PRPF40B: variants seen among roughly 807,000 people sequenced by gnomAD.
PRPF40B encodes pre-mRNA processing factor 40B.
PRPF40B carries 56 observed loss-of-function variants against 124.5 expected under a neutral mutation model. That is an observed-to-expected ratio of 0.45 (90% confidence interval 0.36 to 0.56). The LOEUF (loss-of-function observed/expected upper bound fraction) is 0.56, where lower values mean the gene tolerates loss of function less well. Ranked by LOEUF, PRPF40B falls within the 20% of genes least tolerant of loss-of-function variation. The pLI, the probability that PRPF40B is intolerant of heterozygous loss-of-function variation, is 0.00. For synonymous variants in PRPF40B, 443 were observed against 426.4 expected (o/e 1.04, Z -0.48); for missense variants, 1,053 against 1,169.5 (o/e 0.90, Z 1.45).
chr12:49,634,117 C>T, intron 10 of PRPF40B, 25 bp downstream of exon 10: 2 of 1,605,126 alleles, frequency 1.2e-6, no homozygotes, highest in Non-Finnish European at 1.7e-6. Flanking sequence ...CCATGGCATT[C>T]CCAATGTTGG....
chr12:49,643,643 G>A (rs1942963883), intron 23 of PRPF40B, 48 bp from the exon 24 acceptor site: 1 of 1,578,852 alleles, frequency 6.3e-7, no homozygotes, highest in Non-Finnish European at 8.6e-7. Flanking sequence ...AAGAAAAAGA[G>A]CCTGTCTTTC....
chr12:49,642,513 C>A lies in PRPF40B; in HGVS notation c.2023-67C>A. 6.3e-7 allele frequency: 1 copy of A among 1,591,184 alleles called. No homozygotes were observed. Among genetic ancestry groups the A allele is most frequent in the Non-Finnish European group, 8.6e-7 (1 of 1,160,384 alleles). Reference sequence around the variant, plus strand: ...TTCTCTGCCCCAGCCCTGCCCTGTGCTCATGGCGGTGTCCAGGCCAGGCTG... The same window carrying A: ...TTCTCTGCCCCAGCCCTGCCCTGTGATCATGGCGGTGTCCAGGCCAGGCTG... On this transcript the variant is annotated intron_variant, in intron 20 of 25. Transcript: ENST00000548825. This position sits in a 1 kb window ranked among gnomAD's most constrained non-coding sequence, Gnocchi z 5.8.
intron 7 of PRPF40B, 128 bp downstream of exon 7, chr12:49,633,252 C>A: frequency 8.0e-7 from 1 of 1,249,294 alleles, no homozygotes; most frequent in Non-Finnish European, 1.1e-6. Flanking sequence ...CCATTCCTCA[C>A]CCTCCCTGGA....
Position 49,642,613 on chromosome 12 carries a change from G to T in PRPF40B, c.2056G>T (p.Glu686Ter). 1 of 1,614,184 alleles carries T rather than the reference G, an allele frequency of 6.2e-7. No individual in the cohort carries two copies. Among genetic ancestry groups the T allele is most frequent in the South Asian group, 1.1e-5 (1 of 91,060 alleles). ...GCGTTTTGTGTGTGACTCAGCCTTT[G>T]AGCAGATCACCCTGGAGTCGGAGCG... ...RERFVCDSAFEQITLESERIR... is the reference protein window; with the variant it reads ...RERFVCDSAF Residue 686 changes from glutamate (E) to a stop codon, truncating the protein, a stop_gained, in exon 21 of 26, where the codon GAG becomes TAG. Transcript: ENST00000548825. LOFTEE classifies it high-confidence loss of function. This position sits in a 1 kb window ranked among gnomAD's most constrained non-coding sequence, Gnocchi z 5.8.
intron 17 of PRPF40B, 23 bp from the exon 18 acceptor site, chr12:49,637,710 C>T (rs1289453319): frequency 1.1e-5 from 13 of 1,172,804 alleles, no homozygotes; most frequent in Admixed American, 7.3e-5. Context: ...GCCCGCCAGG[C>T]CCCCCTCCCT....
At chr12:49,643,158 C>A in intron 22 of PRPF40B, 65 bp from the exon 23 acceptor site, 1 of 1,598,428 alleles carries the variant, frequency 6.3e-7, no homozygotes, top group Non-Finnish European at 8.6e-7. Context: ...CTCTCGAATT[C>A]CCAGACGAGG....
chr12:49,623,581 A>G lies in PRPF40B; in HGVS notation c.-10A>G. ...GGGCTGAGCCGGCCCAGCTGCTCGGAGGCTCTGGCATGGTAACATCCCCGC... is the reference window on the plus strand; with the variant it reads ...GGGCTGAGCCGGCCCAGCTGCTCGGGGGCTCTGGCATGGTAACATCCCCGC... On this transcript the variant is annotated 5_prime_UTR_variant, in exon 1 of 26. Coordinates refer to ENST00000548825, the MANE Select transcript of PRPF40B (RefSeq NM_001031698.3). The G allele has an allele frequency of 8.1e-7, 1 of 1,233,896 alleles. No individual in the cohort carries two copies. Among genetic ancestry groups the G allele is most frequent in the Non-Finnish European group, 1.0e-6 (1 of 989,414 alleles). 76.4% of individuals were successfully genotyped at this position (1,233,896 alleles called of 1,614,324 possible). A position where few individuals can be genotyped will look rare whatever the true frequency, so the allele number is the denominator to read the frequency against.
In PRPF40B at chr12:49,636,936, G is replaced by A. The variant is rs182897573; in HGVS notation, c.1560+87G>A. 697 of 1,583,310 alleles carry A rather than the reference G, an allele frequency of 4.4e-4. 11 individuals are homozygous for A. The South Asian group carries it at 7.1e-3, about 16-fold the overall frequency. On this transcript the variant is annotated intron_variant, in intron 16 of 25. Transcript: ENST00000548825. Reference sequence around the variant, plus strand: ...CCATTCCCTGCCCCCTTCTGGATACGCTGCCTGTTCTTTCTGTGCCTAGCC... The same window carrying A: ...CCATTCCCTGCCCCCTTCTGGATACACTGCCTGTTCTTTCTGTGCCTAGCC...
Position 49,635,928 on chromosome 12 carries a change from C to T in PRPF40B, c.1361C>T (p.Thr454Met), listed in dbSNP as rs1169817297. Residue 454 changes from threonine to methionine, a missense_variant, in exon 15 of 26, where the codon ACG becomes ATG. By Grantham distance (81) the Thr-to-Met change is moderately conservative. Coordinates refer to ENST00000548825, the MANE Select transcript of PRPF40B (RefSeq NM_001031698.3). The surrounding 1 kb of genome is among the most constrained non-coding windows in gnomAD (Gnocchi z 4.1). ...DGMSSVNFQT[T>M]WSQAQQYLMD... ...ATGAGTAGTGTCAACTTCCAAACCA[C>T]GTGGTCCCAGGCCCAGCAGTACCTC... 5 of 1,614,100 alleles carry T rather than the reference C, an allele frequency of 3.1e-6. No homozygotes were observed. The highest frequency in any genetic ancestry group is 2.2e-5 in the South Asian group (2 of 91,084).
Position 49,635,765 on chromosome 12 carries a change from C to A in PRPF40B, c.1276-78C>A. 1 of 1,555,110 alleles carries A rather than the reference C, an allele frequency of 6.4e-7. No homozygotes were observed. Among genetic ancestry groups the A allele is most frequent in the South Asian group, 1.1e-5 (1 of 86,994 alleles). On this transcript the variant is annotated intron_variant, in intron 14 of 25. Transcript: ENST00000548825. The surrounding 1 kb of genome is among the most constrained non-coding windows in gnomAD (Gnocchi z 4.1). ...TTCCTAGGGTTCCCTAGCTACCTTT[C>A]CCCAGGTCCTCCTCTGCCCAGGCCT...
chr12:49,633,242 C>T lies in PRPF40B; in HGVS notation c.459+118C>T, dbSNP rs1256651468. On this transcript the variant is annotated intron_variant, in intron 7 of 25. Transcript: ENST00000548825. ...GTTCCTCTGATCCCAAGGTCCCTGA[C>T]CATTCCTCACCCTCCCTGGAAATGC... 5.6e-6 allele frequency: 7 copies of T among 1,245,068 alleles called. No homozygotes were observed. The Admixed American group carries it at 1.4e-4, about 26-fold the overall frequency. 77.1% of individuals were successfully genotyped at this position (1,245,068 alleles called of 1,614,324 possible).
chr12:49,644,201 G>C lies in PRPF40B; in HGVS notation c.*9G>C, dbSNP rs776349730. 2.5e-6 allele frequency: 4 copies of C among 1,613,988 alleles called. No homozygotes were observed. Among genetic ancestry groups the C allele is most frequent in the Admixed American group, 3.3e-5 (2 of 60,028 alleles). ...TGGATGATCACCAGTGACCCAATGA[G>C]CTGTTCTCTGCCTCGGGTCTGTGTG... On this transcript the variant is annotated 3_prime_UTR_variant, in exon 26 of 26. Transcript: ENST00000548825.
intron 16 of PRPF40B, 50 bp downstream of exon 16, chr12:49,636,899 C>T (rs1229907742): frequency 6.2e-7 from 1 of 1,610,380 alleles, no homozygotes; most frequent in South Asian, 1.1e-5. Flanking sequence ...CCCTAGAGCA[C>T]AACCTCTTCA....
chr12:49,636,903 C>T (rs1941891506), intron 16 of PRPF40B, 54 bp downstream of exon 16: 2 of 1,608,734 alleles, frequency 1.2e-6, no homozygotes, highest in Non-Finnish European at 1.7e-6. Flanking sequence ...AGAGCACAAC[C>T]TCTTCACCCA....
In PRPF40B at chr12:49,631,165, C is replaced by T. The variant is rs776217334; in HGVS notation, c.85-236C>T. On this transcript the variant is annotated intron_variant, in intron 2 of 25. Coordinates refer to ENST00000548825, the MANE Select transcript of PRPF40B (RefSeq NM_001031698.3). This position sits in a 1 kb window ranked among gnomAD's most constrained non-coding sequence, Gnocchi z 4.3. ...AACCTCCCTTATTCCTTTCCTTTCC[C>T]GTTACAATTAAGAAGCTGTGTGCTT... Among the ~76,000 whole-genome samples the T allele has an allele frequency of 2.0e-5, 3 of 152,102 alleles. No homozygotes were observed. Among genetic ancestry groups the T allele is most frequent in the Non-Finnish European group, 4.4e-5 (3 of 68,022 alleles).
Position 49,633,431 on chromosome 12 carries a change from T to C in PRPF40B, c.464T>C (p.Leu155Pro). 6.2e-7 allele frequency: 1 copy of C among 1,614,102 alleles called. No homozygotes were observed. Residue 155 changes from leucine (L) to proline (P), a missense_variant, in exon 8 of 26, where the codon CTC (leucine) becomes CCC (proline). Physicochemically the swap from Leu to Pro is moderately conservative, Grantham distance 98. This residue lies in a region of PRPF40B where 895 missense variants were observed against 1,052.2 expected (regional missense o/e 0.85). Transcript: ENST00000548825. ...PSVLKSKAELLLSQCPWKEYK... is the reference protein window; with the variant it reads ...PSVLKSKAELPLSQCPWKEYK... ...TCCTATCCCATCCACTTGCAGCTGC[T>C]CCTGTCCCAATGTCCCTGGAAAGAG...
At chr12:49,634,245 G>A in intron 10 of PRPF40B, 87 bp from the exon 11 acceptor site, 1 of 1,604,258 alleles carries the variant, frequency 6.2e-7, no homozygotes, top group East Asian at 2.2e-5. Flanking sequence ...GGGGAACAAG[G>A]AGGGGGTGAT....
intron 2 of PRPF40B, 30 bp downstream of exon 2, chr12:49,630,655 C>G: frequency 1.1e-6 from 1 of 900,982 alleles, no homozygotes; most frequent in Non-Finnish European, 1.9e-6. Flanking sequence ...CTGGGCTTGG[C>G]TTTTCCAGCC....
Position 49,642,522 on chromosome 12 carries a change from G to A in PRPF40B, c.2023-58G>A. The stretch of plus-strand genomic sequence containing the variant: ...CCAGCCCTGCCCTGTGCTCATGGCG[G>A]TGTCCAGGCCAGGCTGAGTGGGGCC... On this transcript the variant is annotated intron_variant, in intron 20 of 25. Transcript: ENST00000548825. The surrounding 1 kb of genome is among the most constrained non-coding windows in gnomAD (Gnocchi z 5.8). The A allele has an allele frequency of 1.3e-6, 2 of 1,596,122 alleles. No homozygotes were observed. The highest frequency in any genetic ancestry group is 2.2e-5 in the South Asian group (2 of 90,392).
Sources: gnomAD v4.1 joint callset for allele counts (sites outside exome capture counted in the v4.1 genomes callset) on GRCh38, gnomAD v4.1.1 for gene constraint, gnomAD v4.1.1 regional missense constraint, Gnocchi (gnomAD v3.1) non-coding constraint, MANE v1.5 for transcripts, NCBI Gene and HGNC (gene_info 2026-07-23, HGNC 2026-07-21) for gene names.